The following NAV1 variants were observed in gnomAD, a reference collection of about 807,000 sequenced individuals.
NAV1 encodes pore membrane and/or filament interacting like protein 3.
In NAV1, 18 loss-of-function variants were observed where a neutral mutation model predicts 175.2. The observed-to-expected ratio is 0.10, with a 90% CI of 0.07 to 0.15. NAV1 has a LOEUF of 0.15. Ranked by LOEUF, NAV1 falls within the 10% of genes least tolerant of loss-of-function variation. NAV1 has a pLI of 1.00. For missense variants in NAV1, 1,731 were observed against 2,436.6 expected, an observed-to-expected ratio of 0.71 and a Z score of 6.10; for synonymous variants, 897 against 978.7, an observed-to-expected ratio of 0.92 and a Z score of 1.56.
chr1:201,572,739 C>T (rs184935848), intron 1 of NAV1, among the ~76,000 whole-genome samples: 24 of 152,242 alleles, frequency 1.6e-4, no homozygotes, highest in Admixed American at 1.5e-3. Flanking sequence ...TATACCTTAC[C>T]AGCAAGTCAT....
intron 1 of NAV1, among the ~76,000 whole-genome samples, chr1:201,674,959 G>A (rs1736447): frequency 0.042 from 6,384 of 151,416 alleles, 163 homozygotes; most frequent in Non-Finnish European, 0.063. Flanking sequence ...AGAATTGCCC[G>A]AACCTGGGAG....
In NAV1 at chr1:201,786,268, AC is replaced by A. The variant is rs1186547550; in HGVS notation, c.2847-159del. 2.6e-5 allele frequency among the ~76,000 whole-genome samples: 4 copies of A among 152,074 alleles called. No individual in the cohort carries two copies. In the South Asian group the frequency reaches 6.2e-4, roughly 24 times the overall value. ...GTCTGGGAGAGGAGGCTGAGTCGCC[AC>A]CTCTTACTCCCTCCTTGGGCAGCCC... On this transcript the variant is annotated intron_variant, in intron 8 of 29. Transcript: ENST00000367296.
chr1:201,600,628 A>G (rs1283326609), intron 2 of NAV1, among the ~76,000 whole-genome samples: 1 of 152,180 alleles, frequency 6.6e-6, no homozygotes, highest in African/African-American at 2.4e-5. Context: ...CTGTAAATCT[A>G]AAATTACTTC....
chr1:201,756,824 C>CTT (rs139167821), intron 3 of NAV1, among the ~76,000 whole-genome samples: 8,817 of 40,088 alleles, frequency 0.22, 757 homozygotes, highest in South Asian at 0.42. Context: ...TTCTTTCTTT[C>CTT]TTTCTTTCTT....
chr1:201,657,069 C>T (rs1452182044), intron 1 of NAV1, among the ~76,000 whole-genome samples: 1 of 152,146 alleles, frequency 6.6e-6, no homozygotes, highest in East Asian at 1.9e-4. Context: ...AGGCTGCTTC[C>T]TAGGAGCTCC....
At chr1:201,799,768 G>A (rs554591939) in intron 15 of NAV1, among the ~76,000 whole-genome samples, 175 of 151,724 alleles carry the variant, frequency 1.2e-3, no homozygotes, top group African/African-American at 4.0e-3. Context: ...GCTGAGACAG[G>A]AGAATTGCTT....
At chr1:201,625,738 A>T (rs757077550) in intron 1 of NAV1, among the ~76,000 whole-genome samples, 30 of 152,140 alleles carry the variant, frequency 2.0e-4, no homozygotes, top group Non-Finnish European at 3.4e-4. Flanking sequence ...TTTTGAATTC[A>T]TTCTTTGGGA....
At chr1:201,650,151 T>C (rs1284314686) in intron 1 of NAV1, among the ~76,000 whole-genome samples, 1 of 152,208 alleles carries the variant, frequency 6.6e-6, no homozygotes, top group Non-Finnish European at 1.5e-5. Context: ...GCCTTTGCCC[T>C]GTGGCTAATG....
chr1:201,607,230 C>A (rs2102244741), intron 2 of NAV1, among the ~76,000 whole-genome samples: 1 of 151,436 alleles, frequency 6.6e-6, no homozygotes, highest in South Asian at 2.1e-4. Flanking sequence ...ATTCTCCTGC[C>A]TTAGACTTCC....
intron 1 of NAV1, among the ~76,000 whole-genome samples, chr1:201,698,258 C>G (rs1671271776): frequency 6.6e-6 from 1 of 152,218 alleles, no homozygotes; most frequent in Admixed American, 6.5e-5. Flanking sequence ...TCTAACCCAC[C>G]CACCTTATCA....
chr1:201,717,511 C>T (rs1672185572), intron 2 of NAV1, among the ~76,000 whole-genome samples: 1 of 152,238 alleles, frequency 6.6e-6, no homozygotes, highest in Non-Finnish European at 1.5e-5. Context: ...CTGGCCCTAT[C>T]TCCTTCCCTA....
At chr1:201,700,748 A>G (rs1243226973) in intron 1 of NAV1, among the ~76,000 whole-genome samples, 1 of 152,190 alleles carries the variant, frequency 6.6e-6, no homozygotes. Context: ...GCAATGGCTC[A>G]CGCCTGTAAT....
intron 1 of NAV1, among the ~76,000 whole-genome samples, chr1:201,584,762 T>C (rs1666976857): frequency 1.3e-5 from 2 of 152,208 alleles, no homozygotes; most frequent in Admixed American, 1.3e-4. Context: ...CACCAAGGCC[T>C]GGATTCTGGC....
At chr1:201,817,572 C>T (rs1230707375) in intron 29 of NAV1, among the ~76,000 whole-genome samples, 1 of 152,166 alleles carries the variant, frequency 6.6e-6, no homozygotes, top group African/African-American at 2.4e-5. Flanking sequence ...AGGCTAAGGC[C>T]AGTGAGGAGC....
intron 3 of NAV1, among the ~76,000 whole-genome samples, chr1:201,733,177 G>A (rs112927369): frequency 0.014 from 2,120 of 150,630 alleles, 59 homozygotes; most frequent in African/African-American, 0.05. Flanking sequence ...TCAAGAGATC[G>A]AGACCATCCT....
At chr1:201,749,695 A>G (rs1247899267) in intron 3 of NAV1, among the ~76,000 whole-genome samples, 2 of 152,204 alleles carry the variant, frequency 1.3e-5, no homozygotes, top group African/African-American at 2.4e-5. Flanking sequence ...CAAAAGGGAA[A>G]TTGCTAGCCT....
At chr1:201,684,066 C>G (rs1670573881) in intron 1 of NAV1, among the ~76,000 whole-genome samples, 1 of 152,108 alleles carries the variant, frequency 6.6e-6, no homozygotes, top group Non-Finnish European at 1.5e-5. Context: ...TAGGGGAGCA[C>G]TTTTAACTGG....
chr1:201,701,731 C>T (rs894883088), intron 1 of NAV1, among the ~76,000 whole-genome samples: 1 of 152,196 alleles, frequency 6.6e-6, no homozygotes, highest in African/African-American at 2.4e-5. Flanking sequence ...GAGACAATGA[C>T]AAGTGTCAGT....
intron 1 of NAV1, among the ~76,000 whole-genome samples, chr1:201,561,939 G>T (rs73082554): frequency 0.06 from 9,166 of 152,256 alleles, 364 homozygotes; most frequent in African/African-American, 0.12. Flanking sequence ...GTTAGGTTTA[G>T]GTTTGAGAAT....
Sources: allele counts gnomAD v4.1 joint callset (sites outside exome capture counted in the v4.1 genomes callset), GRCh38; gene constraint gnomAD v4.1.1; transcripts MANE v1.5; gene names NCBI Gene and HGNC (gene_info 2026-07-23, HGNC 2026-07-21).